Variants in ADARB2 observed in about 807,000 individuals in gnomAD.
ADARB2 encodes adenosine deaminase RNA specific B2 (inactive).
ADARB2 carries 25 observed loss-of-function variants against 62.2 expected under a neutral mutation model. That is an observed-to-expected ratio of 0.40 (90% CI 0.29 to 0.56). The LOEUF is 0.56. ADARB2 is among the 20% of genes least tolerant of loss of function. The pLI is 0.43. For missense variants in ADARB2, 1,071 were observed against 1,077.4 expected (o/e 0.99, Z 0.08); for synonymous variants, 572 against 500.8 (o/e 1.14, Z -1.90).
chr10:1,250,174 A>G (rs1019934056), intron 4 of ADARB2, among the ~76,000 whole-genome samples: 3 of 151,928 alleles, frequency 2.0e-5, no homozygotes, highest in South Asian at 4.2e-4. Flanking sequence ...AGAAACAGCA[A>G]TGGTGCTTTG....
intron 6 of ADARB2, among the ~76,000 whole-genome samples, chr10:1,228,468 G>A (rs1484781443): frequency 1.3e-5 from 2 of 152,190 alleles, no homozygotes; most frequent in African/African-American, 4.8e-5. Flanking sequence ...TAAAGGACCC[G>A]TCGCCCTCGT....
chr10:1,441,582 T>C (rs928988912), intron 1 of ADARB2, among the ~76,000 whole-genome samples: 1 of 152,230 alleles, frequency 6.6e-6, no homozygotes, highest in Non-Finnish European at 1.5e-5. Flanking sequence ...AAGTAGGTAT[T>C]ACTCTTCACT....
At chr10:1,726,928 G>A (rs535947768) in intron 1 of ADARB2, among the ~76,000 whole-genome samples, 1 of 152,128 alleles carries the variant, frequency 6.6e-6, no homozygotes, top group East Asian at 1.9e-4. Flanking sequence ...CAGAGACCAC[G>A]GAGAAGGCAA....
intron 1 of ADARB2, among the ~76,000 whole-genome samples, chr10:1,386,959 A>G (rs1832530569): frequency 6.6e-6 from 1 of 151,974 alleles, no homozygotes; most frequent in Non-Finnish European, 1.5e-5. Flanking sequence ...TATGTAACAA[A>G]AAGATATATG....
At chr10:1,591,658 C>CACACACAT (rs1833255992) in intron 1 of ADARB2, among the ~76,000 whole-genome samples, 1 of 49,030 alleles carries the variant, frequency 2.0e-5, no homozygotes, top group African/African-American at 5.0e-5. Context: ...GAGGCGTGCA[C>CACACACAT]GCACACACAC....
chr10:1,198,578 T>C (rs1408332168), intron 8 of ADARB2, among the ~76,000 whole-genome samples: 1 of 152,238 alleles, frequency 6.6e-6, no homozygotes, highest in East Asian at 1.9e-4. Context: ...AATAAGCATG[T>C]AAATGGAGGC....
At chr10:1,339,520 C>T (rs1401795786) in intron 3 of ADARB2, among the ~76,000 whole-genome samples, 1 of 152,216 alleles carries the variant, frequency 6.6e-6, no homozygotes, top group East Asian at 1.9e-4. Flanking sequence ...GCTCTGATTA[C>T]AGAAGGGATT....
intron 1 of ADARB2, among the ~76,000 whole-genome samples, chr10:1,719,525 A>C (rs1835061368): frequency 6.6e-6 from 1 of 152,240 alleles, no homozygotes; most frequent in Non-Finnish European, 1.5e-5. Flanking sequence ...TTGCTAAAAG[A>C]AACAAAACCA....
At chr10:1,717,337 G>A (rs1037398535) in intron 1 of ADARB2, among the ~76,000 whole-genome samples, 2 of 151,422 alleles carry the variant, frequency 1.3e-5, no homozygotes, top group Non-Finnish European at 2.9e-5. Context: ...CAGGGCAGCT[G>A]GGCCTGTGTC....
intron 1 of ADARB2, among the ~76,000 whole-genome samples, chr10:1,712,734 G>A (rs905664137): frequency 3.5e-4 from 48 of 136,446 alleles, no homozygotes; most frequent in African/African-American, 1.2e-3. Context: ...TCAGCCTCCC[G>A]AGTAGCTGGG....
intron 4 of ADARB2, among the ~76,000 whole-genome samples, chr10:1,245,941 T>G (rs1270982281): frequency 2.0e-5 from 3 of 151,614 alleles, no homozygotes; most frequent in Admixed American, 6.6e-5. Flanking sequence ...TGAACTAGTT[T>G]ACAGTCACAC....
intron 1 of ADARB2, among the ~76,000 whole-genome samples, chr10:1,509,671 G>C (rs1831896110): frequency 6.6e-6 from 1 of 152,242 alleles, no homozygotes; most frequent in Non-Finnish European, 1.5e-5. Context: ...GGATGTGTAA[G>C]TGGCACCAGA....
intron 1 of ADARB2, among the ~76,000 whole-genome samples, chr10:1,729,689 C>T (rs1377018629): frequency 1.3e-5 from 2 of 152,166 alleles, no homozygotes; most frequent in East Asian, 1.9e-4. Context: ...AGCTCTCCTG[C>T]TATGGGTCTC....
At chr10:1,386,369 G>A (rs1487843263) in intron 1 of ADARB2, among the ~76,000 whole-genome samples, 1 of 151,870 alleles carries the variant, frequency 6.6e-6, no homozygotes, top group Non-Finnish European at 1.5e-5. Context: ...AAAATGCAGA[G>A]ATATTCAAAT....
At chr10:1,396,202 A>T (rs1375689899) in intron 1 of ADARB2, among the ~76,000 whole-genome samples, 2 of 151,872 alleles carry the variant, frequency 1.3e-5, no homozygotes, top group African/African-American at 2.4e-5. Context: ...GGTACACGGG[A>T]TGGGTTTTAT....
chr10:1,458,052 T>G (rs1189678642), intron 1 of ADARB2, among the ~76,000 whole-genome samples: 1 of 152,112 alleles, frequency 6.6e-6, no homozygotes, highest in African/African-American at 2.4e-5. Context: ...CAAACGCTCT[T>G]TAGAAAAGTC....
chr10:1,633,316 C>CA (rs1231055335), intron 1 of ADARB2, among the ~76,000 whole-genome samples: 1 of 152,130 alleles, frequency 6.6e-6, no homozygotes, highest in East Asian at 1.9e-4. Context: ...TGTCCCTAAT[C>CA]AAAAAATCCA....
At chr10:1,257,432 C>T (rs1437674081) in intron 4 of ADARB2, among the ~76,000 whole-genome samples, 1 of 152,218 alleles carries the variant, frequency 6.6e-6, no homozygotes, top group African/African-American at 2.4e-5. Context: ...CCTCCTCAGC[C>T]CGAGACCCCA....
Position 1,537,313 on chromosome 10 carries a change from T to C in ADARB2, c.101-158153A>G, listed in dbSNP as rs189978822. On this transcript the variant is annotated intron_variant, in intron 1 of 9. Coordinates refer to ENST00000381312, the MANE Select transcript of ADARB2 (RefSeq NM_018702.4). ...CAATGATTAAAAAGTCAAGAAACAA[T>C]AAATGCCAGTGAGGATGTGGAGAAA... Among the ~76,000 whole-genome samples the C allele has an allele frequency of 5.1e-4, 77 of 152,148 alleles. 1 individual carries two copies. Among genetic ancestry groups the C allele is most frequent in the African/African-American group, 1.7e-3 (71 of 41,528 alleles).
Sources: allele counts gnomAD v4.1 joint callset (sites outside exome capture counted in the v4.1 genomes callset), GRCh38; gene constraint gnomAD v4.1.1; transcripts MANE v1.5; gene names NCBI Gene and HGNC (gene_info 2026-07-23, HGNC 2026-07-21).